The following GALNT10 variants were observed in gnomAD, a reference collection of about 807,000 sequenced individuals.
GALNT10 encodes the protein polypeptide N-acetylgalactosaminyltransferase 10.
GALNT10 carries 41 observed loss-of-function variants against 75.0 expected under a neutral mutation model. The observed-to-expected ratio is 0.55, with a 90% confidence interval of 0.43 to 0.71. The LOEUF (loss-of-function observed/expected upper bound fraction) is 0.71, where lower values mean the gene tolerates loss of function less well. GALNT10 is among the 30% of genes least tolerant of loss of function. The pLI is 0.00. For synonymous variants in GALNT10, 302 were observed against 313.0 expected, an observed-to-expected ratio of 0.96 and a Z score of 0.37; for missense variants, 727 against 818.5, an observed-to-expected ratio of 0.89 and a Z score of 1.36.
chr5:154,218,406 C>A (rs1752917251), intron 1 of GALNT10, among the ~76,000 whole-genome samples: 1 of 152,162 alleles, frequency 6.6e-6, no homozygotes, highest in African/African-American at 2.4e-5. Flanking sequence ...CTGTTTCCAG[C>A]TCTCCCTGTG....
chr5:154,343,141 T>G (rs1006312647), intron 4 of GALNT10, among the ~76,000 whole-genome samples: 1 of 152,002 alleles, frequency 6.6e-6, no homozygotes, highest in Non-Finnish European at 1.5e-5. Flanking sequence ...TCAGTCTCGG[T>G]GGAGTCCAGG....
At chr5:154,245,617 T>C (rs1753409633) in intron 1 of GALNT10, among the ~76,000 whole-genome samples, 1 of 152,018 alleles carries the variant, frequency 6.6e-6, no homozygotes, top group African/African-American at 2.4e-5. Flanking sequence ...TCTTCATATA[T>C]TAATACATTA....
At chr5:154,361,553 C>T (rs930066319) in intron 4 of GALNT10, among the ~76,000 whole-genome samples, 1 of 152,202 alleles carries the variant, frequency 6.6e-6, no homozygotes, top group African/African-American at 2.4e-5. Flanking sequence ...CTGATCGGCT[C>T]ATATCATCCC....
At chr5:154,289,116 A>G (rs1257348216) in intron 1 of GALNT10, among the ~76,000 whole-genome samples, 2 of 152,288 alleles carry the variant, frequency 1.3e-5, no homozygotes, top group African/African-American at 4.8e-5. Flanking sequence ...GGTTATCACA[A>G]ACACTGGAAC....
intron 8 of GALNT10, among the ~76,000 whole-genome samples, chr5:154,405,550 A>G (rs1756261866): frequency 6.6e-6 from 1 of 151,800 alleles, no homozygotes; most frequent in Non-Finnish European, 1.5e-5. Context: ...AGGCAGGAAA[A>G]GCGCACGCTC....
At position 154,303,548 on chromosome 5, in the gene GALNT10, T is replaced by C. The variant is rs181993880; in HGVS notation, c.401+5469T>C. ...CATAGTGCTCACTCAGGGCCAAAAA[T>C]AGTTCCTCTTCCCACCACCCAGACT... On this transcript the variant is annotated intron_variant, in intron 3 of 11. Coordinates refer to ENST00000297107, the MANE Select transcript of GALNT10 (RefSeq NM_198321.4). Among the ~76,000 whole-genome samples, 39 of 152,232 alleles carry C rather than the reference T, an allele frequency of 2.6e-4. 1 individual carries two copies. The East Asian group carries it at 7.3e-3, about 29-fold the overall frequency.
intron 6 of GALNT10, among the ~76,000 whole-genome samples, chr5:154,382,259 C>T (rs950435433): frequency 6.6e-5 from 10 of 152,210 alleles, no homozygotes. Flanking sequence ...GACAATGGAC[C>T]AGCCTGAGCC....
chr5:154,206,454 C>T (rs926063327), intron 1 of GALNT10, among the ~76,000 whole-genome samples: 2 of 152,150 alleles, frequency 1.3e-5, no homozygotes, highest in South Asian at 2.1e-4. Context: ...TAAAAAGGGA[C>T]GCAGACAAGT....
At chr5:154,251,918 T>G (rs973980891) in intron 1 of GALNT10, among the ~76,000 whole-genome samples, 3 of 151,380 alleles carry the variant, frequency 2.0e-5, no homozygotes, top group African/African-American at 7.3e-5. Flanking sequence ...TGTATTTTAT[T>G]TACATTTAAA....
At position 154,420,760 on chromosome 5, in the gene GALNT10, C is replaced by A. The variant is rs15197; in HGVS notation, c.*3788C>A. On this transcript the variant is annotated 3_prime_UTR_variant, in exon 12 of 12. Transcript: ENST00000297107. ...GCTTTGATTCAGCCGTGCCAGGCAA[C>A]AGAACAGGGTCAGACTCCTGCTCTG... 1.3e-5 allele frequency: 2 copies of A among 152,182 alleles called. No individual in the cohort carries two copies. Among genetic ancestry groups the A allele is most frequent in the African/African-American group, 4.8e-5 (2 of 41,452 alleles). 9.4% of individuals were successfully genotyped at this position (152,182 alleles called of 1,614,324 possible).
At chr5:154,270,222 C>CA (rs1210050721) in intron 1 of GALNT10, among the ~76,000 whole-genome samples, 1 of 150,628 alleles carries the variant, frequency 6.6e-6, no homozygotes, top group East Asian at 1.9e-4. Flanking sequence ...AGCCTATACC[C>CA]ACACATCTAT....
chr5:154,381,680 C>A (rs1755737034), intron 6 of GALNT10, among the ~76,000 whole-genome samples: 1 of 152,220 alleles, frequency 6.6e-6, no homozygotes. Flanking sequence ...GGGAAGAATC[C>A]ATTTCCCTAC....
At chr5:154,268,865 A>G (rs1027456044) in intron 1 of GALNT10, among the ~76,000 whole-genome samples, 23 of 152,218 alleles carry the variant, frequency 1.5e-4, no homozygotes, top group African/African-American at 4.3e-4. Context: ...AGCCAGGTGC[A>G]GTGGCTCACG....
chr5:154,289,732 A>G (rs564902861), intron 1 of GALNT10, among the ~76,000 whole-genome samples: 1 of 152,168 alleles, frequency 6.6e-6, no homozygotes, highest in African/African-American at 2.4e-5. Context: ...ATCTGTAGAC[A>G]TTTTTACTTA....
chr5:154,364,905 T>G (rs1388355663), intron 4 of GALNT10, among the ~76,000 whole-genome samples: 2 of 152,154 alleles, frequency 1.3e-5, no homozygotes, highest in African/African-American at 2.4e-5. Context: ...TCTTCTTATT[T>G]GTAGCTGATT....
intron 4 of GALNT10, among the ~76,000 whole-genome samples, chr5:154,343,874 A>G (rs1053952669): frequency 6.6e-6 from 1 of 152,172 alleles, no homozygotes; most frequent in African/African-American, 2.4e-5. Context: ...CTTTGGACAT[A>G]GGAAAGCTGA....
chr5:154,361,014 A>T (rs1351097654), intron 4 of GALNT10, among the ~76,000 whole-genome samples: 2 of 152,232 alleles, frequency 1.3e-5, no homozygotes, highest in African/African-American at 2.4e-5. Context: ...ATTGTTTATT[A>T]AAAAGATTTA....
At chr5:154,191,456 C>T (rs1195782129) in intron 1 of GALNT10, among the ~76,000 whole-genome samples, 1 of 141,044 alleles carries the variant, frequency 7.1e-6, no homozygotes, top group Non-Finnish European at 1.5e-5. Flanking sequence ...CCCACAACCC[C>T]TACCTGCTGA....
Position 154,409,750 on chromosome 5 carries a change from A to T in GALNT10, c.1374A>T (p.Ala458=). 6.2e-7 allele frequency: 1 copy of T among 1,612,546 alleles called. No individual in the cohort carries two copies. Among genetic ancestry groups the T allele is most frequent in the South Asian group, 1.1e-5 (1 of 91,066 alleles). The change falls in exon 9 of 12, where the codon GCA becomes GCT. Residue 458 remains alanine (A), a synonymous_variant. Transcript: ENST00000297107. The surrounding 1 kb of genome is among the most constrained non-coding windows in gnomAD (Gnocchi z 4.5). ...KFYPPVEPPA[A]AWGEIRNVGT... Reference sequence around the variant, plus strand: ...ACCCACCCGTGGAGCCCCCGGCTGCAGCTTGGGGGGAGGTGAGTCTGGAGG... The same window carrying T: ...ACCCACCCGTGGAGCCCCCGGCTGCTGCTTGGGGGGAGGTGAGTCTGGAGG...
Sources: gnomAD v4.1 joint callset for allele counts (sites outside exome capture counted in the v4.1 genomes callset) on GRCh38, gnomAD v4.1.1 for gene constraint, Gnocchi (gnomAD v3.1) non-coding constraint, MANE v1.5 for transcripts, NCBI Gene and HGNC (gene_info 2026-07-23, HGNC 2026-07-21) for gene names.